The following CYP27C1 variants were observed in gnomAD, a reference collection of about 807,000 sequenced individuals.
CYP27C1 encodes the protein cytochrome P450 27C1.
A neutral mutation model predicts 40.6 loss-of-function variants in CYP27C1; 29 were observed. The ratio of observed to expected loss-of-function variants is 0.71; its 90% CI spans 0.53 to 0.97. The LOEUF is 0.97. Among genes scored for constraint, CYP27C1 ranks in the 50% least tolerant of loss-of-function variants. The pLI, the probability that CYP27C1 is intolerant of heterozygous loss-of-function variation, is 0.00. For missense variants in CYP27C1, 390 were observed against 485.8 expected (o/e 0.80, Z 1.85); for synonymous variants, 198 against 186.8 (o/e 1.06, Z -0.49).
intron 2 of CYP27C1, 199 bp downstream of exon 2, chr2:127,205,701 T>G: frequency 1.0e-6 from 1 of 985,488 alleles, no homozygotes; most frequent in Non-Finnish European, 1.2e-6. Context: ...ACGGGACAAC[T>G]CTGCACGGAG....
intron 2 of CYP27C1, among the ~76,000 whole-genome samples, chr2:127,204,477 AAAGAAAGAAAGGAAGGAAGG>A (rs1427034913): frequency 1.6e-5 from 1 of 63,942 alleles, no homozygotes; most frequent in African/African-American, 6.1e-5. Context: ...AGAAAGAAAG[AAAGAAAGAAAGGAAGGAAGG>A]AAGGAAGGAA....
intron 8 of CYP27C1, among the ~76,000 whole-genome samples, chr2:127,188,076 C>A (rs28651565): frequency 0.026 from 4,000 of 152,282 alleles, 188 homozygotes; most frequent in African/African-American, 0.092. Flanking sequence ...ATACAGGTAA[C>A]CTGCTCTAAA....
rs1683306428 is a variant in CYP27C1 at position 127,210,000 on chromosome 2, C to G, written c.283-3910G>C. Among the ~76,000 whole-genome samples, 2 of 152,172 alleles carry G rather than the reference C, an allele frequency of 1.3e-5. No homozygotes were observed. The highest frequency in any genetic ancestry group is 2.9e-5 in the Non-Finnish European group (2 of 68,040). ...AGCAAGACAGGCCAACATGCAAATT[C>G]AGAAAATACAGAGAACACCATTAAA... On this transcript the variant is annotated intron_variant, in intron 1 of 8. Transcript: ENST00000664447. This position sits in a 1 kb window ranked among gnomAD's most constrained non-coding sequence, Gnocchi z 4.1.
intron 2 of CYP27C1, among the ~76,000 whole-genome samples, chr2:127,204,620 A>AGAAG (rs1683182900): frequency 9.9e-6 from 1 of 101,228 alleles, no homozygotes; most frequent in African/African-American, 4.0e-5. Context: ...AAAGAAAGAA[A>AGAAG]GAAAGAAGAC....
chr2:127,195,629 T>C lies in CYP27C1; in HGVS notation c.1048-128A>G, dbSNP rs1682885661. On this transcript the variant is annotated intron_variant, in intron 5 of 8. Transcript: ENST00000664447. The surrounding 1 kb of genome is among the most constrained non-coding windows in gnomAD (Gnocchi z 6.2). ...AAAGTCAAACTCATCCAATTCCATA[T>C]AGCACCTAATGTCTTACTAAAAACG... 2.5e-6 allele frequency: 2 copies of C among 811,216 alleles called. No homozygotes were observed. Among genetic ancestry groups the C allele is most frequent in the South Asian group, 3.8e-5 (2 of 52,084 alleles). The allele number at this position is 811,216 out of a possible 1,614,324, so 50.3% of individuals were successfully genotyped here.
At chr2:127,211,061 AC>A (rs1478406413) in intron 1 of CYP27C1, among the ~76,000 whole-genome samples, 1 of 152,238 alleles carries the variant, frequency 6.6e-6, no homozygotes, top group African/African-American at 2.4e-5. Flanking sequence ...AACAGAATAT[AC>A]ATTCTTCTCA....
chr2:127,213,198 C>G (rs1236858816), intron 1 of CYP27C1, among the ~76,000 whole-genome samples: 1 of 152,032 alleles, frequency 6.6e-6, no homozygotes, highest in African/African-American at 2.4e-5. Context: ...ACATTCCATC[C>G]TTATGGATAG....
At position 127,201,183 on chromosome 2, in the gene CYP27C1, G is replaced by A; in HGVS notation, c.822C>T (p.Arg274=). The change falls in exon 4 of 9, where the codon CGC becomes CGT. Residue 274 remains arginine, a synonymous_variant. Coordinates refer to ENST00000664447, the MANE Select transcript of CYP27C1 (RefSeq NM_001367502.1). The surrounding 1 kb of genome is among the most constrained non-coding windows in gnomAD (Gnocchi z 6.0). ...MYAGAIPRWL[R]PFIPKPWREF... is the part of the protein sequence containing the mutation. Reference sequence around the variant, plus strand: ...CCCGCCAGGGCTTTGGGATGAAGGGGCGAAGCCATCTGGGGATGGCGCCTG... The same window carrying A: ...CCCGCCAGGGCTTTGGGATGAAGGGACGAAGCCATCTGGGGATGGCGCCTG... 6.2e-7 allele frequency: 1 copy of A among 1,614,102 alleles called. No homozygotes were observed. Among genetic ancestry groups the A allele is most frequent in the Non-Finnish European group, 8.5e-7 (1 of 1,180,030 alleles).
chr2:127,203,406 A>G lies in CYP27C1; in HGVS notation c.639T>C (p.Asn213=). Reference sequence around the variant, plus strand: ...AATATTTGAAGAAAAGATCATTGACATTGGTCACGGTTTCTCCATCTTCTG... The same window carrying G: ...AATATTTGAAGAAAAGATCATTGACGTTGGTCACGGTTTCTCCATCTTCTG... ...SQAEDGETVT[N]VNDLFFKYSM... The change falls in exon 3 of 9, where the codon AAT becomes AAC. Residue 213 remains asparagine, a synonymous_variant. Coordinates refer to ENST00000664447, the MANE Select transcript of CYP27C1 (RefSeq NM_001367502.1). 5.0e-6 allele frequency: 8 copies of G among 1,613,498 alleles called. No individual in the cohort carries two copies. The highest frequency in any genetic ancestry group is 4.2e-6 in the Non-Finnish European group (5 of 1,179,902).
intron 8 of CYP27C1, among the ~76,000 whole-genome samples, chr2:127,188,773 T>C (rs1046511685): frequency 1.3e-5 from 2 of 152,156 alleles, no homozygotes; most frequent in Admixed American, 1.3e-4. Context: ...AAAGTATCCA[T>C]CACCCTAAAG....
intron 8 of CYP27C1, among the ~76,000 whole-genome samples, chr2:127,191,539 T>C (rs111933988): frequency 1.5e-3 from 226 of 152,252 alleles, no homozygotes; most frequent in African/African-American, 5.3e-3. Context: ...AGCTGAGACC[T>C]TCCTGAAAAC....
chr2:127,193,716 C>T, intron 7 of CYP27C1, 73 bp downstream of exon 7: 1 of 1,527,916 alleles, frequency 6.5e-7, no homozygotes, highest in Non-Finnish European at 9.1e-7. Flanking sequence ...ACAAAGACTT[C>T]CTGAAGGTAG....
At chr2:127,203,828 T>C (rs188312598) in intron 2 of CYP27C1, among the ~76,000 whole-genome samples, 166 of 152,238 alleles carry the variant, frequency 1.1e-3, no homozygotes, top group Middle Eastern at 6.8e-3. Flanking sequence ...AGTAATAATC[T>C]TTAGTAAAAG....
In CYP27C1 at chr2:127,211,391, T is replaced by G. The variant is rs980305907; in HGVS notation, c.283-5301A>C. Among the ~76,000 whole-genome samples, 516 of 90,574 alleles carry G rather than the reference T, an allele frequency of 5.7e-3. 4 individuals carry two copies. Among genetic ancestry groups the G allele is most frequent in the East Asian group, 7.6e-3 (14 of 1,834 alleles). The allele number at this position is 90,574 out of a possible 152,430, so 59.4% of individuals were successfully genotyped here. A position where few individuals can be genotyped will look rare whatever the true frequency, so the allele number is the denominator to read the frequency against. On this transcript the variant is annotated intron_variant, in intron 1 of 8. Coordinates refer to ENST00000664447, the MANE Select transcript of CYP27C1 (RefSeq NM_001367502.1). ...TTTGTTTTTTTTTTTTTTTTTTTTTTTTTTTTTTTGAGATGGAGTCTCGCT... is the reference window on the plus strand; with the variant it reads ...TTTGTTTTTTTTTTTTTTTTTTTTTGTTTTTTTTTGAGATGGAGTCTCGCT...
chr2:127,191,595 C>T (rs1277667570), intron 8 of CYP27C1, among the ~76,000 whole-genome samples: 1 of 152,240 alleles, frequency 6.6e-6, no homozygotes, highest in Non-Finnish European at 1.5e-5. Flanking sequence ...ATGAGAACAG[C>T]TTCCACTTCT....
At chr2:127,206,390 C>T (rs1165066582) in intron 1 of CYP27C1, among the ~76,000 whole-genome samples, 1 of 152,114 alleles carries the variant, frequency 6.6e-6, no homozygotes, top group Non-Finnish European at 1.5e-5. Context: ...CTCACCGCAG[C>T]CTCCAACTCC....
chr2:127,204,626 A>ACAGAC lies in CYP27C1; in HGVS notation c.474-1056_474-1055insGTCTG, dbSNP rs1553503426. Among the ~76,000 whole-genome samples the ACAGAC allele has an allele frequency of 7.7e-5, 3 of 38,916 alleles. No individual in the cohort carries two copies. In the Admixed American group the frequency reaches 9.8e-4, roughly 13 times the overall value. 25.5% of individuals were successfully genotyped at this position (38,916 alleles called of 152,430 possible). A position where few individuals can be genotyped will look rare whatever the true frequency, so the allele number is the denominator to read the frequency against. Reference sequence around the variant, plus strand: ...GAAAGAAAGAAAGAAAGAAAGAAAGAAGACTGCAGCTTGTTACCAGGGTGT... The same window carrying ACAGAC: ...GAAAGAAAGAAAGAAAGAAAGAAAGACAGACAGACTGCAGCTTGTTACCAGGGTGT... On this transcript the variant is annotated intron_variant, in intron 2 of 8. Transcript: ENST00000664447.
chr2:127,201,791 G>A lies in CYP27C1; in HGVS notation c.674-460C>T, dbSNP rs913883981. ...CTCTCCCTGCCCCACCTGGCCACTG[G>A]GGATCGCCTTCCAGCCACTTGCCCA... On this transcript the variant is annotated intron_variant, in intron 3 of 8. Coordinates refer to ENST00000664447, the MANE Select transcript of CYP27C1 (RefSeq NM_001367502.1). The surrounding 1 kb of genome is among the most constrained non-coding windows in gnomAD (Gnocchi z 6.0). Among the ~76,000 whole-genome samples the A allele has an allele frequency of 1.7e-4, 26 of 152,104 alleles. No homozygotes were observed.
rs1340934877 is a variant in CYP27C1 at position 127,184,950 on chromosome 2, G to C, written c.*2321C>G. 2 of 152,188 alleles carry C rather than the reference G, an allele frequency of 1.3e-5. No individual in the cohort carries two copies. Among genetic ancestry groups the C allele is most frequent in the African/African-American group, 4.8e-5 (2 of 41,398 alleles). 9.4% of individuals were successfully genotyped at this position (152,188 alleles called of 1,614,324 possible). The stretch of plus-strand genomic sequence containing the variant: ...TCCTCCAGCCTCAGCCTCCCAAATA[G>C]CTAGGACTACAGGCATGCACCACCA... On this transcript the variant is annotated 3_prime_UTR_variant, in exon 9 of 9. Transcript: ENST00000664447.
Sources: allele counts gnomAD v4.1 joint callset (sites outside exome capture counted in the v4.1 genomes callset), GRCh38; gene constraint gnomAD v4.1.1; non-coding constraint Gnocchi (gnomAD v3.1); transcripts MANE v1.5; gene names NCBI Gene and HGNC (gene_info 2026-07-23, HGNC 2026-07-21).